RBM47: variants seen among roughly 807,000 people sequenced by gnomAD.
RBM47 encodes RNA binding motif protein 47, also known as RNA-binding protein 47.
RBM47 carries 21 observed loss-of-function variants against 47.1 expected under a neutral mutation model. That is an observed-to-expected ratio of 0.45 (90% CI 0.32 to 0.64). The LOEUF (loss-of-function observed/expected upper bound fraction) is 0.64, where lower values mean the gene tolerates loss of function less well. Among genes scored for constraint, RBM47 ranks in the 30% least tolerant of loss-of-function variants. The pLI, the probability that RBM47 is intolerant of heterozygous loss-of-function variation, is 0.05. For missense variants in RBM47, 708 were observed against 870.9 expected, an observed-to-expected ratio of 0.81 and a Z score of 2.35; for synonymous variants, 375 against 361.7, an observed-to-expected ratio of 1.04 and a Z score of -0.42.
chr4:40,444,885 G>C (rs1307259002), intron 3 of RBM47, among the ~76,000 whole-genome samples: 2 of 151,544 alleles, frequency 1.3e-5, no homozygotes, highest in African/African-American at 4.8e-5. Context: ...GGCTGGTCTC[G>C]AACTCCTGAC....
intron 2 of RBM47, among the ~76,000 whole-genome samples, chr4:40,525,425 A>G (rs1468300598): frequency 1.3e-5 from 2 of 152,214 alleles, no homozygotes; most frequent in African/African-American, 4.8e-5. Context: ...TGTCACAAAC[A>G]AAGTGATAAA....
intron 3 of RBM47, among the ~76,000 whole-genome samples, chr4:40,446,589 T>A (rs1055845407): frequency 6.6e-6 from 1 of 151,648 alleles, no homozygotes; most frequent in Non-Finnish European, 1.5e-5. Context: ...ATTTAAAAAA[T>A]TAGCTGGGTG....
intron 6 of RBM47, among the ~76,000 whole-genome samples, chr4:40,428,301 C>G (rs1033746689): frequency 6.6e-6 from 1 of 152,214 alleles, no homozygotes; most frequent in Non-Finnish European, 1.5e-5. Context: ...TCACAGCCAC[C>G]AGTAGAGTTG....
chr4:40,449,273 A>G (rs1715037034), intron 3 of RBM47, among the ~76,000 whole-genome samples: 1 of 152,136 alleles, frequency 6.6e-6, no homozygotes, highest in Non-Finnish European at 1.5e-5. Context: ...GCACATAAAC[A>G]TCTCTCCTTG....
In RBM47 at chr4:40,621,781, T is replaced by C. The variant is rs143650391; in HGVS notation, c.-240+7615A>G. ...CATTTAGATGTAAATCACAAAAAGA[T>C]TGCCAAAGAGGAGGCTTTGATTTGG... On this transcript the variant is annotated intron_variant, in intron 1 of 6. Transcript: ENST00000295971. 5.7e-3 allele frequency among the ~76,000 whole-genome samples: 872 copies of C among 152,290 alleles called. 10 individuals carry two copies. The highest frequency in any genetic ancestry group is 0.02 in the African/African-American group (821 of 41,562).
intron 1 of RBM47, among the ~76,000 whole-genome samples, chr4:40,609,510 A>C (rs1198462830): frequency 6.9e-6 from 1 of 144,778 alleles, no homozygotes; most frequent in Non-Finnish European, 1.5e-5. Flanking sequence ...ACAGGGTTTC[A>C]CCATGTTGGC....
intron 1 of RBM47, among the ~76,000 whole-genome samples, chr4:40,580,514 G>A (rs900622320): frequency 1.3e-5 from 2 of 152,156 alleles, no homozygotes; most frequent in African/African-American, 4.8e-5. Context: ...GAGAAAGCCC[G>A]ATGACCACAG....
Position 40,598,889 on chromosome 4 carries a change from C to T in RBM47, c.-240+30507G>A, listed in dbSNP as rs186156554. Among the ~76,000 whole-genome samples the T allele has an allele frequency of 3.3e-3, 496 of 148,930 alleles. 4 individuals carry two copies. Among genetic ancestry groups the T allele is most frequent in the African/African-American group, 0.012 (477 of 40,604 alleles). On this transcript the variant is annotated intron_variant, in intron 1 of 6. Coordinates refer to ENST00000295971, the MANE Select transcript of RBM47 (RefSeq NM_001098634.2). ...AAAGAGTTGGGGAGGAGGAATCTGT[C>T]GTAATTTATTCATCATCCTTGACTT...
intron 2 of RBM47, among the ~76,000 whole-genome samples, chr4:40,525,989 G>A (rs1281414496): frequency 1.3e-5 from 2 of 152,144 alleles, no homozygotes; most frequent in Admixed American, 1.3e-4. Flanking sequence ...TAGATCCCCG[G>A]AGTGCTCAAA....
At chr4:40,600,343 T>C (rs1435890080) in intron 1 of RBM47, among the ~76,000 whole-genome samples, 1 of 151,864 alleles carries the variant, frequency 6.6e-6, no homozygotes, top group Non-Finnish European at 1.5e-5. Flanking sequence ...ATACTATTCT[T>C]GAAAGCAGAG....
In RBM47 at chr4:40,566,436, G is replaced by A. The variant is rs540895686; in HGVS notation, c.-239-21930C>T. ...CTGAGGTGGGTGGATCACGAGGTCA[G>A]GAGTTTGAGACCAGCCTGACCAACG... On this transcript the variant is annotated intron_variant, in intron 1 of 6. Coordinates refer to ENST00000295971, the MANE Select transcript of RBM47 (RefSeq NM_001098634.2). Among the ~76,000 whole-genome samples the A allele has an allele frequency of 7.6e-3, 1,142 of 150,986 alleles. 14 individuals carry two copies. Among genetic ancestry groups the A allele is most frequent in the Non-Finnish European group, 0.014 (908 of 67,028 alleles).
At chr4:40,531,049 T>C (rs1281444190) in intron 2 of RBM47, among the ~76,000 whole-genome samples, 2 of 152,140 alleles carry the variant, frequency 1.3e-5, no homozygotes, top group African/African-American at 4.8e-5. Context: ...CAGTGAGCCA[T>C]GATCGCGGCA....
intron 1 of RBM47, among the ~76,000 whole-genome samples, chr4:40,611,659 C>G (rs1479382830): frequency 1.3e-5 from 2 of 151,920 alleles, no homozygotes; most frequent in Admixed American, 6.6e-5. Flanking sequence ...ACCCGGGAGG[C>G]AGAGGTTGCG....
chr4:40,569,040 C>T (rs1398826963), intron 1 of RBM47, among the ~76,000 whole-genome samples: 1 of 150,194 alleles, frequency 6.7e-6, no homozygotes, highest in South Asian at 2.1e-4. Flanking sequence ...GACAGACAGA[C>T]AGACAGACAG....
chr4:40,577,711 C>T (rs904911115), intron 1 of RBM47, among the ~76,000 whole-genome samples: 2 of 150,350 alleles, frequency 1.3e-5, no homozygotes, highest in South Asian at 2.1e-4. Flanking sequence ...AAACCAGAAA[C>T]CCAAAGCCCC....
intron 2 of RBM47, among the ~76,000 whole-genome samples, chr4:40,537,966 A>G (rs1358793568): frequency 8.6e-5 from 12 of 139,046 alleles, no homozygotes. Flanking sequence ...CAGCCTCCCA[A>G]GTAGCTAGGA....
intron 2 of RBM47, among the ~76,000 whole-genome samples, chr4:40,490,298 A>G (rs902728610): frequency 2.0e-5 from 3 of 151,662 alleles, no homozygotes; most frequent in African/African-American, 7.3e-5. Flanking sequence ...AAGGAAAAAG[A>G]AAAAAAAAGA....
intron 1 of RBM47, among the ~76,000 whole-genome samples, chr4:40,570,041 T>C (rs189979133): frequency 2.0e-5 from 3 of 151,812 alleles, no homozygotes; most frequent in African/African-American, 7.3e-5. Context: ...AAACATAAAC[T>C]AATGAGTGAG....
At chr4:40,590,555 G>A (rs1238084467) in intron 1 of RBM47, among the ~76,000 whole-genome samples, 2 of 152,134 alleles carry the variant, frequency 1.3e-5, no homozygotes, top group Admixed American at 1.3e-4. Flanking sequence ...CTCACCTGGT[G>A]AATGACATTG....
Sources: gnomAD v4.1 joint callset for allele counts (sites outside exome capture counted in the v4.1 genomes callset) on GRCh38, gnomAD v4.1.1 for gene constraint, MANE v1.5 for transcripts, NCBI Gene and HGNC (gene_info 2026-07-23, HGNC 2026-07-21) for gene names.